Variants in SORCS2 observed in about 807,000 individuals in gnomAD.
SORCS2 encodes sortilin related VPS10 domain containing receptor 2, also known as VPS10 domain-containing receptor SorCS2.
SORCS2 carries 100 observed loss-of-function variants against 141.6 expected under a neutral mutation model. The observed-to-expected ratio is 0.71, with a 90% CI of 0.60 to 0.83. The LOEUF is 0.83. SORCS2 is among the 40% of genes least tolerant of loss of function. The probability of loss-of-function intolerance (pLI) is 0.00; values close to 1 mark genes in which losing one functional copy is unlikely to be tolerated. For synonymous variants in SORCS2, 789 were observed against 676.9 expected, an observed-to-expected ratio of 1.17 and a Z score of -2.57; for missense variants, 1,646 against 1,560.2, an observed-to-expected ratio of 1.05 and a Z score of -0.93.
chr4:7,463,551 A>G (rs576562355), intron 2 of SORCS2, among the ~76,000 whole-genome samples: 10 of 152,204 alleles, frequency 6.6e-5, no homozygotes, highest in Admixed American at 2.6e-4. Context: ...ACAGACCCCC[A>G]TCCTTGGAAA....
chr4:7,497,385 C>T (rs1249434687), intron 2 of SORCS2, among the ~76,000 whole-genome samples: 1 of 152,208 alleles, frequency 6.6e-6, no homozygotes, highest in Non-Finnish European at 1.5e-5. Context: ...TTGTCCAGGG[C>T]TGAGCAGCTT....
chr4:7,723,716 A>T lies in SORCS2; in HGVS notation c.2444A>T (p.Lys815Met). The change falls in exon 19 of 27, where the codon AAG becomes ATG. Residue 815 changes from lysine (K) to methionine (M), a missense_variant. Coordinates refer to ENST00000507866, the MANE Select transcript of SORCS2 (RefSeq NM_020777.3). ...RQEQGDVLTT[K>M]YQVDLGDGFK... is the part of the protein sequence containing the mutation. ...CTGCAGGGTGATGTCCTGACTACCA[A>T]GTACCAGGTAGACCTTGGGGACGGC... is the stretch of plus-strand genomic sequence containing the variant. 1.2e-6 allele frequency: 2 copies of T among 1,613,962 alleles called. No homozygotes were observed. The highest frequency in any genetic ancestry group is 2.2e-5 in the South Asian group (2 of 91,076).
intron 3 of SORCS2, among the ~76,000 whole-genome samples, chr4:7,612,690 G>A (rs1485226089): frequency 6.6e-6 from 1 of 152,226 alleles, no homozygotes; most frequent in African/African-American, 2.4e-5. Flanking sequence ...TCTGCTGGAA[G>A]GGATCAATGT....
intron 1 of SORCS2, among the ~76,000 whole-genome samples, chr4:7,359,620 A>C (rs1721461466): frequency 6.6e-6 from 1 of 152,236 alleles, no homozygotes; most frequent in Non-Finnish European, 1.5e-5. Flanking sequence ...AGATCCCGGC[A>C]GCTGGCAGCC....
At chr4:7,736,982 T>A in intron 25 of SORCS2, 87 bp from the exon 26 acceptor site, 1 of 1,506,338 alleles carries the variant, frequency 6.6e-7, no homozygotes, top group Non-Finnish European at 8.9e-7. Flanking sequence ...CCACACTCGG[T>A]GTGGTCAGGC....
At chr4:7,306,238 C>T (rs539492687) in intron 1 of SORCS2, among the ~76,000 whole-genome samples, 2 of 152,290 alleles carry the variant, frequency 1.3e-5, no homozygotes, top group East Asian at 1.9e-4. Flanking sequence ...CCAGAGCCCA[C>T]AGTCGGCTGG....
chr4:7,659,253 G>T (rs1721997599), intron 5 of SORCS2, among the ~76,000 whole-genome samples: 1 of 149,590 alleles, frequency 6.7e-6, no homozygotes, highest in Admixed American at 6.7e-5. Context: ...CCTGGACCAG[G>T]TCCTCACTAA....
intron 1 of SORCS2, among the ~76,000 whole-genome samples, chr4:7,391,358 T>C (rs2336100): frequency 0.31 from 46,460 of 152,076 alleles, 7,794 homozygotes; most frequent in East Asian, 0.6. Context: ...CTGGTTAGCC[T>C]CGGCTCCCTC....
intron 3 of SORCS2, among the ~76,000 whole-genome samples, chr4:7,555,931 A>G (rs973014535): frequency 1.3e-5 from 2 of 152,268 alleles, no homozygotes; most frequent in African/African-American, 4.8e-5. Context: ...TGGAGCTGAC[A>G]TAACAAGTGC....
intron 3 of SORCS2, among the ~76,000 whole-genome samples, chr4:7,595,540 G>A (rs552366202): frequency 3.3e-5 from 2 of 60,510 alleles, no homozygotes; most frequent in Non-Finnish European, 7.0e-5. Flanking sequence ...CCCCCGCCCC[G>A]CACCAGCCAT....
At chr4:7,371,680 TG>T (rs1722256868) in intron 1 of SORCS2, among the ~76,000 whole-genome samples, 1 of 152,122 alleles carries the variant, frequency 6.6e-6, no homozygotes, top group African/African-American at 2.4e-5. Flanking sequence ...TTTAATTACT[TG>T]TGGATGAACT....
At chr4:7,212,921 T>C (rs57305531) in intron 1 of SORCS2, among the ~76,000 whole-genome samples, 7,765 of 152,244 alleles carry the variant, frequency 0.051, 407 homozygotes, top group East Asian at 0.27. Context: ...GGTCTCGTCA[T>C]TGGGGGGTCA....
chr4:7,728,653 G>A (rs1727391213), intron 22 of SORCS2, among the ~76,000 whole-genome samples, 191 bp downstream of exon 22: 1 of 152,198 alleles, frequency 6.6e-6, no homozygotes, highest in South Asian at 2.1e-4. Flanking sequence ...CCCTTATTTA[G>A]GAGGACCTGC....
chr4:7,696,451 C>T (rs868467305), intron 11 of SORCS2, among the ~76,000 whole-genome samples: 29 of 152,176 alleles, frequency 1.9e-4, no homozygotes, highest in Admixed American at 1.8e-3. Context: ...CTGTTATGCA[C>T]GGCCGTTGTT....
At chr4:7,437,257 G>A (rs1022803771) in intron 2 of SORCS2, among the ~76,000 whole-genome samples, 2 of 152,172 alleles carry the variant, frequency 1.3e-5, no homozygotes, top group Non-Finnish European at 2.9e-5. Flanking sequence ...TCTCTAGGGT[G>A]GCTCATAGGA....
At chr4:7,339,272 C>A (rs1433877292) in intron 1 of SORCS2, among the ~76,000 whole-genome samples, 2 of 152,198 alleles carry the variant, frequency 1.3e-5, no homozygotes, top group African/African-American at 4.8e-5. Flanking sequence ...GGACAGGAGG[C>A]ACCAGTATGA....
chr4:7,287,931 G>A (rs905255284), intron 1 of SORCS2, among the ~76,000 whole-genome samples: 2 of 152,224 alleles, frequency 1.3e-5, no homozygotes, highest in Admixed American at 1.3e-4. Flanking sequence ...CATGCAGGCC[G>A]ATTGGAGCCC....
At chr4:7,697,459 G>T (rs919427720) in intron 12 of SORCS2, among the ~76,000 whole-genome samples, 185 bp downstream of exon 12, 1 of 152,218 alleles carries the variant, frequency 6.6e-6, no homozygotes, top group Non-Finnish European at 1.5e-5. Flanking sequence ...CATCTGCTGG[G>T]TTTGAAAAGC....
intron 1 of SORCS2, among the ~76,000 whole-genome samples, chr4:7,218,811 A>C (rs1344475725): frequency 1.3e-5 from 2 of 152,334 alleles, no homozygotes; most frequent in East Asian, 3.9e-4. Flanking sequence ...ATGCCACCTT[A>C]GTTCATGTCC....
Sources: allele counts gnomAD v4.1 joint callset (sites outside exome capture counted in the v4.1 genomes callset), GRCh38; gene constraint gnomAD v4.1.1; transcripts MANE v1.5; gene names NCBI Gene and HGNC (gene_info 2026-07-23, HGNC 2026-07-21).